NBEA: variants seen among roughly 807,000 people sequenced by gnomAD.
NBEA encodes the protein neurobeachin, also known as lysosomal-trafficking regulator 2.
Under a neutral mutation model 343.4 loss-of-function variants are expected in NBEA, and 44 were observed. That is an observed-to-expected ratio of 0.13 (90% confidence interval 0.10 to 0.16). The LOEUF is 0.16. NBEA is among the 10% of genes least tolerant of loss of function. The pLI, the probability that NBEA is intolerant of heterozygous loss-of-function variation, is 1.00. For missense variants in NBEA, 2,555 were observed against 3,631.3 expected, an observed-to-expected ratio of 0.70 and a Z score of 7.62; for synonymous variants, 1,175 against 1,238.7, an observed-to-expected ratio of 0.95 and a Z score of 1.08.
At chr13:35,233,299 G>A (rs1274192463) in intron 34 of NBEA, among the ~76,000 whole-genome samples, 1 of 152,122 alleles carries the variant, frequency 6.6e-6, no homozygotes, top group Admixed American at 6.6e-5. Context: ...CTGGGATTTA[G>A]CATCCTTGTA....
intron 35 of NBEA, among the ~76,000 whole-genome samples, chr13:35,304,529 T>A (rs962882221): frequency 9.9e-5 from 15 of 152,162 alleles, no homozygotes; most frequent in African/African-American, 3.6e-4. Flanking sequence ...AATTTTTGTA[T>A]GACAAAAGCA....
At chr13:35,200,816 G>A (rs1309695221) in intron 31 of NBEA, among the ~76,000 whole-genome samples, 1 of 151,894 alleles carries the variant, frequency 6.6e-6, no homozygotes, top group Non-Finnish European at 1.5e-5. Context: ...ATAAGCTTGA[G>A]CTAGGTATTT....
intron 40 of NBEA, among the ~76,000 whole-genome samples, chr13:35,468,101 G>GATTA (rs56137200): frequency 0.95 from 125,214 of 131,614 alleles, 59,842 homozygotes; most frequent in Non-Finnish European, 0.99. Flanking sequence ...TCCTGAAAAT[G>GATTA]ATTTACACCC....
At chr13:35,075,527 G>A (rs1037472588) in intron 10 of NBEA, among the ~76,000 whole-genome samples, 1 of 152,000 alleles carries the variant, frequency 6.6e-6, no homozygotes, top group Non-Finnish European at 1.5e-5. Flanking sequence ...TTGTTTGCTA[G>A]AAGGATGGAA....
chr13:35,059,854 A>C (rs2063404057), intron 8 of NBEA, among the ~76,000 whole-genome samples: 1 of 151,638 alleles, frequency 6.6e-6, no homozygotes, highest in African/African-American at 2.4e-5. Context: ...AATAATACTG[A>C]AGAAGAATAA....
chr13:35,573,258 T>C (rs902097669), intron 45 of NBEA, among the ~76,000 whole-genome samples: 4 of 152,226 alleles, frequency 2.6e-5, no homozygotes, highest in Non-Finnish European at 5.9e-5. Context: ...CATTCACTCA[T>C]TCTTTCATTA....
At chr13:35,126,359 T>A (rs2067133537) in intron 17 of NBEA, among the ~76,000 whole-genome samples, 1 of 152,116 alleles carries the variant, frequency 6.6e-6, no homozygotes, top group African/African-American at 2.4e-5. Context: ...GGGTATTTCT[T>A]CATAGCAGCA....
At chr13:35,257,871 C>T (rs2032795129) in intron 34 of NBEA, among the ~76,000 whole-genome samples, 1 of 151,950 alleles carries the variant, frequency 6.6e-6, no homozygotes, top group Non-Finnish European at 1.5e-5. Flanking sequence ...CAGTTTTTTT[C>T]TTACTTGAGT....
At position 35,094,658 on chromosome 13, in the gene NBEA, A is replaced by G. The variant is rs1229738663; in HGVS notation, c.1572-3639A>G. 3.3e-5 allele frequency among the ~76,000 whole-genome samples: 5 copies of G among 152,006 alleles called. 1 individual carries two copies. The highest frequency in any genetic ancestry group is 6.3e-3 in the Middle Eastern group (2 of 316). On this transcript the variant is annotated intron_variant, in intron 10 of 58. Coordinates refer to ENST00000379939, the MANE Select transcript of NBEA (RefSeq NM_001385012.1). ...AATTGATTAACGTACAGTGAAATCA[A>G]TTATTTCTGCTATGATCACTCTCAT...
At chr13:35,565,868 AAAC>A (rs1309251775) in intron 44 of NBEA, among the ~76,000 whole-genome samples, 3 of 152,274 alleles carry the variant, frequency 2.0e-5, no homozygotes, top group Admixed American at 2.0e-4. Context: ...CGCTAAAGTG[AAAC>A]AACATAAGAC....
At chr13:35,499,944 A>T (rs2076822173) in intron 41 of NBEA, among the ~76,000 whole-genome samples, 2 of 152,094 alleles carry the variant, frequency 1.3e-5, no homozygotes, top group South Asian at 4.1e-4. Flanking sequence ...TAGTCATTTT[A>T]AAATCATTAA....
intron 34 of NBEA, among the ~76,000 whole-genome samples, chr13:35,244,809 G>T (rs1394093567): frequency 6.6e-6 from 1 of 151,920 alleles, no homozygotes. Flanking sequence ...GTGTTTTGTA[G>T]TTTTTCTTGT....
intron 33 of NBEA, among the ~76,000 whole-genome samples, chr13:35,218,588 G>T (rs1022931492): frequency 6.6e-6 from 1 of 151,676 alleles, no homozygotes; most frequent in Admixed American, 6.6e-5. Context: ...CTTCATCTCA[G>T]ATGAAAAACA....
At chr13:35,647,771 T>G (rs1160658654) in intron 51 of NBEA, among the ~76,000 whole-genome samples, 2 of 152,156 alleles carry the variant, frequency 1.3e-5, no homozygotes, top group East Asian at 3.9e-4. Context: ...TTCACCATGT[T>G]GGTCAGGCTA....
chr13:35,639,533 A>AT (rs1461562315), intron 49 of NBEA, among the ~76,000 whole-genome samples: 2 of 152,044 alleles, frequency 1.3e-5, no homozygotes, highest in Non-Finnish European at 2.9e-5. Context: ...AATCACATGT[A>AT]TTTTTTTATT....
At chr13:35,365,363 C>T (rs974968038) in intron 38 of NBEA, among the ~76,000 whole-genome samples, 1 of 151,560 alleles carries the variant, frequency 6.6e-6, no homozygotes, top group Non-Finnish European at 1.5e-5. Context: ...TTTGGATTCC[C>T]TACATTAATG....
At chr13:35,119,445 T>C (rs2066671993) in intron 16 of NBEA, among the ~76,000 whole-genome samples, 1 of 152,208 alleles carries the variant, frequency 6.6e-6, no homozygotes, top group Non-Finnish European at 1.5e-5. Context: ...GAACTCCTTT[T>C]CAAATTAGAG....
At chr13:35,491,277 G>A (rs996374795) in intron 41 of NBEA, among the ~76,000 whole-genome samples, 3 of 151,856 alleles carry the variant, frequency 2.0e-5, no homozygotes, top group Admixed American at 6.6e-5. Context: ...GCCTGAATGA[G>A]TGAAGGATTT....
chr13:35,468,536 C>G (rs931744256), intron 40 of NBEA, among the ~76,000 whole-genome samples: 4 of 152,082 alleles, frequency 2.6e-5, no homozygotes, highest in Admixed American at 6.5e-5. Flanking sequence ...ATTTCTGATG[C>G]CTGACAGAGC....
Sources: gnomAD v4.1 joint callset for allele counts (sites outside exome capture counted in the v4.1 genomes callset) on GRCh38, gnomAD v4.1.1 for gene constraint, MANE v1.5 for transcripts, NCBI Gene and HGNC (gene_info 2026-07-23, HGNC 2026-07-21) for gene names.